PNPLA8: variants seen among roughly 807,000 people sequenced by gnomAD.
PNPLA8 encodes the protein patatin like domain 8, phospholipase A2.
A neutral mutation model predicts 76.9 loss-of-function variants in PNPLA8; 39 were observed. The ratio of observed to expected loss-of-function variants is 0.51; its 90% CI spans 0.39 to 0.66. PNPLA8 has a LOEUF of 0.66. PNPLA8 is among the 30% of genes least tolerant of loss of function. The pLI is 0.00. For synonymous variants in PNPLA8, 301 were observed against 307.9 expected (o/e 0.98, Z 0.24); for missense variants, 887 against 918.0 (o/e 0.97, Z 0.44).
chr7:108,509,528 C>G (rs1862731072), intron 4 of PNPLA8, among the ~76,000 whole-genome samples: 1 of 143,024 alleles, frequency 7.0e-6, no homozygotes, highest in African/African-American at 2.6e-5. Context: ...CAGGAAACAA[C>G]AGGTGCTGGA....
At chr7:108,474,046 T>C (rs994890510) in intron 10 of PNPLA8, among the ~76,000 whole-genome samples, 30 of 152,296 alleles carry the variant, frequency 2.0e-4, no homozygotes, top group African/African-American at 6.0e-4. Context: ...TCTATATATT[T>C]TGAACTTGAT....
intron 5 of PNPLA8, among the ~76,000 whole-genome samples, chr7:108,498,053 T>C (rs936230424): frequency 1.6e-5 from 2 of 124,982 alleles, no homozygotes; most frequent in African/African-American, 6.1e-5. Context: ...ATACACTTCT[T>C]AAGAATGCCA....
intron 4 of PNPLA8, among the ~76,000 whole-genome samples, chr7:108,512,577 T>C (rs1430508289): frequency 6.6e-6 from 1 of 152,144 alleles, no homozygotes; most frequent in African/African-American, 2.4e-5. Context: ...CATAAAAAAG[T>C]AAAATTGATA....
At position 108,515,048 on chromosome 7, in the gene PNPLA8, T is replaced by C. The variant is rs1563984083; in HGVS notation, c.444A>G (p.Lys148=). The change falls in exon 3 of 11, where the codon AAA becomes AAG. Residue 148 remains lysine, a synonymous_variant. Transcript: ENST00000257694. ...KVSDSGWLKQ[K]NIKQAIKSLK... ...GAGATTTGATGGCTTGTTTGATGTT[T>C]TTCTGTTTTAACCAGCCACTATCCG... 1 of 1,608,392 alleles carries C rather than the reference T, an allele frequency of 6.2e-7. No homozygotes were observed. Among genetic ancestry groups the C allele is most frequent in the African/African-American group, 1.3e-5 (1 of 75,012 alleles).
At chr7:108,496,001 T>A (rs1043738561) in intron 7 of PNPLA8, among the ~76,000 whole-genome samples, 1 of 152,190 alleles carries the variant, frequency 6.6e-6, no homozygotes, top group Non-Finnish European at 1.5e-5. Flanking sequence ...TATGATTATA[T>A]ATACTTTGGG....
chr7:108,501,809 G>C (rs1459101264), intron 5 of PNPLA8, among the ~76,000 whole-genome samples: 1 of 151,992 alleles, frequency 6.6e-6, no homozygotes, highest in Non-Finnish European at 1.5e-5. Flanking sequence ...GGGCGACAGA[G>C]CAAGACTCTG....
rs904942791 is a variant in PNPLA8 at position 108,487,349 on chromosome 7, A to G, written c.1878+410T>C. Among the ~76,000 whole-genome samples the G allele has an allele frequency of 2.6e-5, 4 of 152,218 alleles. No individual in the cohort carries two copies. The South Asian group carries it at 6.2e-4, about 24-fold the overall frequency. On this transcript the variant is annotated intron_variant, in intron 9 of 10. Coordinates refer to ENST00000257694, the MANE Select transcript of PNPLA8 (RefSeq NM_001256007.3). ...AAGTGTCTGGCACACAGCTAACTTA[A>G]TGAGTATTTACTATTATTTTACTGT... is the stretch of plus-strand genomic sequence containing the variant.
intron 7 of PNPLA8, among the ~76,000 whole-genome samples, chr7:108,492,828 T>A (rs893030651): frequency 1.3e-5 from 2 of 152,226 alleles, no homozygotes; most frequent in Non-Finnish European, 2.9e-5. Context: ...GGTATCCATG[T>A]CATTGTATAC....
chr7:108,478,442 G>A (rs1408840976), intron 10 of PNPLA8, among the ~76,000 whole-genome samples: 2 of 152,112 alleles, frequency 1.3e-5, no homozygotes, highest in Non-Finnish European at 2.9e-5. Flanking sequence ...CCAGGCTAGA[G>A]TATAGTGGCA....
At chr7:108,527,550 AG>A (rs1219562345), upstream of PNPLA8, among the ~76,000 whole-genome samples, 2 of 152,238 alleles carry the variant, frequency 1.3e-5, no homozygotes, top group Admixed American at 1.3e-4. Context: ...CTATTGCAAT[AG>A]GTGCCATGAC....
At position 108,496,702 on chromosome 7, in the gene PNPLA8, C is replaced by T; in HGVS notation, c.1507G>A (p.Glu503Lys). ...GLFHMPLDECEELYRKLGSDV... is the reference protein window; with the variant it reads ...GLFHMPLDECKELYRKLGSDV... Reference sequence around the variant, plus strand: ...GATCCTAATTTTCGATAAAGTTCCTCACATTCATCCAAGGGCATATGAAAC... The same window carrying T: ...GATCCTAATTTTCGATAAAGTTCCTTACATTCATCCAAGGGCATATGAAAC... Residue 503 changes from glutamate (E) to lysine (K), a missense_variant, in exon 7 of 11, where the codon GAG becomes AAG. Transcript: ENST00000257694. The T allele has an allele frequency of 1.2e-6, 2 of 1,611,506 alleles. No individual in the cohort carries two copies. The highest frequency in any genetic ancestry group is 1.7e-6 in the Non-Finnish European group (2 of 1,178,782).
intron 4 of PNPLA8, among the ~76,000 whole-genome samples, chr7:108,512,218 G>C (rs1169366564): frequency 6.6e-6 from 1 of 152,152 alleles, no homozygotes; most frequent in Non-Finnish European, 1.5e-5. Flanking sequence ...GGTGTTGTTT[G>C]CTATTAGAGC....
intron 10 of PNPLA8, 47 bp downstream of exon 10, chr7:108,479,137 T>C (rs1365134185): frequency 2.2e-6 from 3 of 1,382,770 alleles, no homozygotes; most frequent in Non-Finnish European, 1.0e-6. Flanking sequence ...AAAAAACTGC[T>C]AGAATGCTAG....
At position 108,472,190 on chromosome 7, in the gene PNPLA8, T is replaced by C; in HGVS notation, c.*211A>G. ...AGGGTTACTAAAGCTTAGCTAATTA[T>C]TAACATCTTAAAAGCCTAGTTCCCA... On this transcript the variant is annotated 3_prime_UTR_variant, in exon 11 of 11. Transcript: ENST00000257694. 1 of 430,198 alleles carries C rather than the reference T, an allele frequency of 2.3e-6. No individual in the cohort carries two copies. Among genetic ancestry groups the C allele is most frequent in the Non-Finnish European group, 4.2e-6 (1 of 236,726 alleles). The allele number at this position is 430,198 out of a possible 1,614,324, so 26.6% of individuals were successfully genotyped here. A position where few individuals can be genotyped will look rare whatever the true frequency, so the allele number is the denominator to read the frequency against.
chr7:108,505,323 TATATATATATATATATATATATA>T lies in PNPLA8; in HGVS notation c.1207-2704_1207-2682del, dbSNP rs1563967404. Among the ~76,000 whole-genome samples the T allele has an allele frequency of 4.4e-3, 19 of 4,296 alleles. 1 individual carries two copies. The highest frequency in any genetic ancestry group is 6.4e-3 in the African/African-American group (7 of 1,086). 2.8% of individuals were successfully genotyped at this position (4,296 alleles called of 152,430 possible). On this transcript the variant is annotated intron_variant, in intron 4 of 10. Transcript: ENST00000257694. ...ATTTATATATATATATATATATATA[TATATATATATATATATATATATA>T]TATATATTTTTTTTTTTTTTTTTTT...
intron 4 of PNPLA8, among the ~76,000 whole-genome samples, chr7:108,511,643 C>T (rs550843908): frequency 1.3e-5 from 2 of 152,268 alleles, no homozygotes; most frequent in Admixed American, 6.5e-5. Flanking sequence ...GAAGGTGTGG[C>T]TGAAGGACTG....
In PNPLA8 at chr7:108,491,481, G is replaced by GA. The variant is rs3214243; in HGVS notation, c.1626-15dup. 2.6e-6 allele frequency: 4 copies of GA among 1,535,334 alleles called. No homozygotes were observed. Among genetic ancestry groups the GA allele is most frequent in the Non-Finnish European group, 3.6e-6 (4 of 1,109,630 alleles). ...CCCATCCTATCCCTTTATTAAAGGAGAAAAAAATAAGTTATATCAAAATGA... is the reference window on the plus strand; with the variant it reads ...CCCATCCTATCCCTTTATTAAAGGAGAAAAAAAATAAGTTATATCAAAATGA... On this transcript the variant is annotated splice_polypyrimidine_tract_variant and intron_variant, in intron 7 of 10. Transcript: ENST00000257694.
intron 10 of PNPLA8, among the ~76,000 whole-genome samples, chr7:108,478,377 G>C (rs1441290627): frequency 6.6e-6 from 1 of 151,974 alleles, no homozygotes; most frequent in African/African-American, 2.4e-5. Context: ...GAAGCAGACA[G>C]ACATTATTTA....
intron 4 of PNPLA8, among the ~76,000 whole-genome samples, chr7:108,507,205 T>A (rs1862505205): frequency 1.3e-5 from 2 of 151,474 alleles, no homozygotes; most frequent in Admixed American, 1.3e-4. Context: ...TAGCTGGGCG[T>A]GGTGGCGGGC....
Sources: gnomAD v4.1 joint callset for allele counts (sites outside exome capture counted in the v4.1 genomes callset) on GRCh38, gnomAD v4.1.1 for gene constraint, MANE v1.5 for transcripts, NCBI Gene and HGNC (gene_info 2026-07-23, HGNC 2026-07-21) for gene names.